The following MIPEP variants were observed in gnomAD, a reference collection of about 807,000 sequenced individuals.
The protein encoded by MIPEP is mitochondrial intermediate peptidase.
A neutral mutation model predicts 90.3 loss-of-function variants in MIPEP; 79 were observed. That is an observed-to-expected ratio of 0.87 (90% CI 0.73 to 1.05). The LOEUF is 1.05. Ranked by LOEUF, MIPEP falls within the 50% of genes least tolerant of loss-of-function variation. The probability of loss-of-function intolerance (pLI) is 0.00; values close to 1 mark genes in which losing one functional copy is unlikely to be tolerated. For missense variants in MIPEP, 940 were observed against 905.6 expected, an observed-to-expected ratio of 1.04 and a Z score of -0.49; for synonymous variants, 334 against 315.8, an observed-to-expected ratio of 1.06 and a Z score of -0.61.
chr13:23,831,515 T>C (rs1868764094), intron 14 of MIPEP, among the ~76,000 whole-genome samples: 1 of 152,158 alleles, frequency 6.6e-6, no homozygotes, highest in South Asian at 2.1e-4. Flanking sequence ...ACTTCAAGAC[T>C]GGGCAACACA....
chr13:23,757,631 A>G (rs1054040690), intron 17 of MIPEP, among the ~76,000 whole-genome samples: 1 of 152,178 alleles, frequency 6.6e-6, no homozygotes. Flanking sequence ...TTGGTTCAGG[A>G]TAACAGTTAA....
At position 23,886,416 on chromosome 13, in the gene MIPEP, G is replaced by A. The variant is rs147048880; in HGVS notation, c.280C>T (p.Arg94Cys). ...ALRKTELLVD[R>C]ACSTPPGPQT... Reference sequence around the variant, plus strand: ...GGCCCAGGTGGGGTGGAACATGCACGGTCCACAAGCAATTCTGTCTTTCTC... The same window carrying A: ...GGCCCAGGTGGGGTGGAACATGCACAGTCCACAAGCAATTCTGTCTTTCTC... The change falls in exon 2 of 19, where the codon CGT becomes TGT. Residue 94 changes from arginine (R) to cysteine (C), a missense_variant. Physicochemically the swap from Arg to Cys is radical, Grantham distance 180. Coordinates refer to ENST00000382172, the MANE Select transcript of MIPEP (RefSeq NM_005932.4). 486 of 1,608,126 alleles carry A rather than the reference G, an allele frequency of 3.0e-4. 1 individual carries two copies. The African/African-American group carries it at 4.7e-3, about 16-fold the overall frequency.
chr13:23,886,226 T>A (rs1871473740), intron 2 of MIPEP, 107 bp downstream of exon 2: 1 of 894,308 alleles, frequency 1.1e-6, no homozygotes, highest in African/African-American at 1.7e-5. Flanking sequence ...TCAGACATTT[T>A]TAACTTTATA....
At chr13:23,767,784 A>G (rs1230551522) in intron 16 of MIPEP, among the ~76,000 whole-genome samples, 1 of 152,044 alleles carries the variant, frequency 6.6e-6, no homozygotes, top group Non-Finnish European at 1.5e-5. Flanking sequence ...TTTTTTGTAA[A>G]TATTTTACTA....
At chr13:23,834,202 AC>A (rs1289987186) in intron 14 of MIPEP, among the ~76,000 whole-genome samples, 7 of 151,954 alleles carry the variant, frequency 4.6e-5, no homozygotes, top group Non-Finnish European at 8.8e-5. Context: ...CTCTATCCGC[AC>A]CCCCTGCGAT....
At chr13:23,875,720 A>C (rs1233422178) in intron 4 of MIPEP, among the ~76,000 whole-genome samples, 1 of 152,202 alleles carries the variant, frequency 6.6e-6, no homozygotes, top group Non-Finnish European at 1.5e-5. Context: ...TACACAATAT[A>C]GGTCTATTAT....
intron 18 of MIPEP, among the ~76,000 whole-genome samples, chr13:23,742,529 AG>A (rs1952341951): frequency 6.6e-6 from 1 of 152,256 alleles, no homozygotes; most frequent in African/African-American, 2.4e-5. Context: ...AGAAATGCTC[AG>A]TAACTCACTA....
At chr13:23,822,351 T>TATAACAGACTATAACAAGACA (rs1953316045) in intron 14 of MIPEP, among the ~76,000 whole-genome samples, 1 of 152,242 alleles carries the variant, frequency 6.6e-6, no homozygotes, top group African/African-American at 2.4e-5. Flanking sequence ...GCCTGTCTAA[T>TATAACAGACTATAACAAGACA]ATGCTAAAGT....
At chr13:23,843,196 G>A (rs2031587) in intron 10 of MIPEP, among the ~76,000 whole-genome samples, 72,484 of 151,770 alleles carry the variant, frequency 0.48, 18,584 homozygotes, top group South Asian at 0.59. Context: ...AGGCAGAAGC[G>A]ACAGTATAAC....
At chr13:23,821,586 A>G (rs1776376316) in intron 14 of MIPEP, among the ~76,000 whole-genome samples, 1 of 152,200 alleles carries the variant, frequency 6.6e-6, no homozygotes, top group African/African-American at 2.4e-5. Context: ...CAGCTGGGTA[A>G]TACACAATGA....
intron 10 of MIPEP, among the ~76,000 whole-genome samples, chr13:23,857,036 C>T: frequency 6.6e-6 from 1 of 151,940 alleles, no homozygotes; most frequent in African/African-American, 2.4e-5. Flanking sequence ...ACATTACTCT[C>T]CAATGTCAAA....
At chr13:23,805,532 A>T (rs1276020842) in intron 16 of MIPEP, among the ~76,000 whole-genome samples, 1 of 152,180 alleles carries the variant, frequency 6.6e-6, no homozygotes. Context: ...ACTCAACAAG[A>T]TAAGATATGT....
chr13:23,788,663 G>A (rs1280343987), intron 16 of MIPEP, among the ~76,000 whole-genome samples: 1 of 152,212 alleles, frequency 6.6e-6, no homozygotes, highest in African/African-American at 2.4e-5. Context: ...CAGGCCTAGT[G>A]ACAACCACAT....
intron 16 of MIPEP, among the ~76,000 whole-genome samples, chr13:23,797,550 A>G (rs777662624): frequency 1.9e-4 from 29 of 152,090 alleles, no homozygotes; most frequent in Non-Finnish European, 3.5e-4. Context: ...AGCAAGCACC[A>G]AACACCCAGG....
At chr13:23,774,343 G>A (rs972033949) in intron 16 of MIPEP, among the ~76,000 whole-genome samples, 2 of 152,066 alleles carry the variant, frequency 1.3e-5, no homozygotes, top group African/African-American at 4.8e-5. Flanking sequence ...TGGGAAGTGT[G>A]AGCCCTCTAG....
intron 16 of MIPEP, among the ~76,000 whole-genome samples, chr13:23,764,646 G>A (rs1228639985): frequency 2.0e-5 from 3 of 152,150 alleles, no homozygotes; most frequent in Admixed American, 1.3e-4. Flanking sequence ...GTAACCTGGA[G>A]CTCCTGGGCT....
chr13:23,837,089 C>T (rs894825808), intron 13 of MIPEP, among the ~76,000 whole-genome samples: 9 of 152,068 alleles, frequency 5.9e-5, no homozygotes, highest in African/African-American at 2.2e-4. Flanking sequence ...AACTACAAAG[C>T]AGAACTATGA....
In MIPEP at chr13:23,766,107, G is replaced by T. The variant is rs549682801; in HGVS notation, c.1849-5890C>A. ...GAGCATCTACCATATCTGTTTTGCA[G>T]ATAAGAAGATACTATGGTGTTAAAA... On this transcript the variant is annotated intron_variant, in intron 16 of 18. Transcript: ENST00000382172. The T allele has an allele frequency of 2.0e-5, 3 of 152,286 alleles. No individual in the cohort carries two copies. In the South Asian group the frequency reaches 6.2e-4, roughly 32 times the overall value. 9.4% of individuals were successfully genotyped at this position (152,286 alleles called of 1,614,324 possible).
At chr13:23,747,809 C>T (rs1398852548) in intron 18 of MIPEP, among the ~76,000 whole-genome samples, 5 of 151,828 alleles carry the variant, frequency 3.3e-5, no homozygotes, top group South Asian at 4.2e-4. Flanking sequence ...GGTGTGATTT[C>T]GGCTCACCAC....
Sources: gnomAD v4.1 joint callset for allele counts (sites outside exome capture counted in the v4.1 genomes callset) on GRCh38, gnomAD v4.1.1 for gene constraint, MANE v1.5 for transcripts, NCBI Gene and HGNC (gene_info 2026-07-23, HGNC 2026-07-21) for gene names.